UNC5D: variants seen among roughly 807,000 people sequenced by gnomAD.
UNC5D encodes netrin receptor UNC5D.
In UNC5D, 39 loss-of-function variants were observed where a neutral mutation model predicts 105.4. The ratio of observed to expected loss-of-function variants is 0.37; its 90% CI spans 0.29 to 0.48. UNC5D has a LOEUF of 0.48. Among genes scored for constraint, UNC5D ranks in the 20% least tolerant of loss-of-function variants. UNC5D has a pLI of 0.98. For missense variants in UNC5D, 991 were observed against 1,202.4 expected (o/e 0.82, Z 2.60); for synonymous variants, 452 against 450.4 (o/e 1.00, Z -0.04).
In UNC5D at chr8:35,246,122, A is replaced by G. The variant is rs1803078281; in HGVS notation, c.103+10235A>G. ...TACTTGAAACATCACTTTTTTCTCT[A>G]GTTCTTTTTATTTGTAGGAGAAGCA... On this transcript the variant is annotated intron_variant, in intron 1 of 16. Transcript: ENST00000404895. Among the ~76,000 whole-genome samples the G allele has an allele frequency of 2.0e-5, 3 of 152,058 alleles. No homozygotes were observed. In the South Asian group the frequency reaches 6.2e-4, roughly 32 times the overall value.
intron 13 of UNC5D, among the ~76,000 whole-genome samples, chr8:35,754,552 C>G (rs1423106613): frequency 6.6e-6 from 1 of 152,156 alleles, no homozygotes; most frequent in South Asian, 2.1e-4. Flanking sequence ...CCTACCTTCT[C>G]CCCGGAAGAC....
At chr8:35,563,018 G>A (rs2130761588) in intron 2 of UNC5D, among the ~76,000 whole-genome samples, 1 of 151,924 alleles carries the variant, frequency 6.6e-6, no homozygotes, top group African/African-American at 2.4e-5. Flanking sequence ...TTCTGTATAT[G>A]GATATCCAGT....
intron 1 of UNC5D, among the ~76,000 whole-genome samples, chr8:35,244,145 G>C (rs1262579057): frequency 6.6e-6 from 1 of 152,070 alleles, no homozygotes; most frequent in Non-Finnish European, 1.5e-5. Context: ...TTGTATCTTT[G>C]TACCCGCCCT....
intron 1 of UNC5D, among the ~76,000 whole-genome samples, chr8:35,439,428 C>T (rs1807250279): frequency 2.0e-5 from 3 of 152,028 alleles, no homozygotes; most frequent in Non-Finnish European, 4.4e-5. Flanking sequence ...AACAAATGAA[C>T]AAGCTGCATA....
intron 11 of UNC5D, among the ~76,000 whole-genome samples, chr8:35,734,782 AT>A (rs1171276656): frequency 2.2e-3 from 285 of 126,674 alleles, no homozygotes; most frequent in Middle Eastern, 9.3e-3. Context: ...CACACTTTAA[AT>A]TTTTTTTTTT....
At chr8:35,319,966 G>C (rs4606056) in intron 1 of UNC5D, among the ~76,000 whole-genome samples, 124,649 of 151,966 alleles carry the variant, frequency 0.82, 51,578 homozygotes, top group East Asian at 1. Context: ...CTCACTGACC[G>C]TAAGTAGCAG....
intron 1 of UNC5D, chr8:35,525,243 T>G: frequency 6.2e-7 from 1 of 1,612,020 alleles, no homozygotes; most frequent in Non-Finnish European, 8.5e-7. Context: ...CTTTTGGCTT[T>G]CCACGTCTCT....
At chr8:35,518,945 G>A (rs1214237660) in intron 1 of UNC5D, among the ~76,000 whole-genome samples, 1 of 152,012 alleles carries the variant, frequency 6.6e-6, no homozygotes, top group Admixed American at 6.6e-5. Context: ...CAAGAGGTGG[G>A]GAATTTTTAA....
intron 1 of UNC5D, among the ~76,000 whole-genome samples, chr8:35,249,506 C>A (rs1019828964): frequency 7.3e-5 from 11 of 150,330 alleles, no homozygotes; most frequent in Non-Finnish European, 1.2e-4. Flanking sequence ...TGCAGTGAAC[C>A]GAGATTGCAC....
intron 1 of UNC5D, among the ~76,000 whole-genome samples, chr8:35,529,520 T>A: frequency 7.2e-6 from 1 of 138,448 alleles, no homozygotes; most frequent in Admixed American, 7.4e-5. Context: ...TAGGATTGAC[T>A]TGGCGATGCG....
At chr8:35,379,312 C>A (rs1450832397) in intron 1 of UNC5D, among the ~76,000 whole-genome samples, 1 of 152,178 alleles carries the variant, frequency 6.6e-6, no homozygotes, top group Non-Finnish European at 1.5e-5. Context: ...CCAATTCCCA[C>A]CATCCTGATG....
At chr8:35,653,119 G>C (rs1387188945) in intron 4 of UNC5D, among the ~76,000 whole-genome samples, 1 of 151,496 alleles carries the variant, frequency 6.6e-6, no homozygotes, top group African/African-American at 2.4e-5. Context: ...TAGTAAAGAT[G>C]GGGTTTCATC....
At position 35,454,948 on chromosome 8, in the gene UNC5D, C is replaced by A. The variant is rs1353263363; in HGVS notation, c.104-94344C>A. ...CATTTAGAAGTCAAATGAAATTTAT[C>A]CCTTGTTATGGATTTTATTCTTTTA... On this transcript the variant is annotated intron_variant, in intron 1 of 16. Transcript: ENST00000404895. 5.3e-5 allele frequency among the ~76,000 whole-genome samples: 8 copies of A among 152,190 alleles called. No homozygotes were observed. In the East Asian group the frequency reaches 1.6e-3, roughly 30 times the overall value.
chr8:35,394,444 C>T (rs976145011), intron 1 of UNC5D, among the ~76,000 whole-genome samples: 5 of 151,964 alleles, frequency 3.3e-5, no homozygotes, highest in Admixed American at 2.6e-4. Flanking sequence ...ATTCAAAAAA[C>T]CATGTCCATA....
At chr8:35,538,413 A>ATG (rs1434018789) in intron 1 of UNC5D, among the ~76,000 whole-genome samples, 4 of 52,942 alleles carry the variant, frequency 7.6e-5, no homozygotes, top group Non-Finnish European at 1.3e-4. Flanking sequence ...ATATATATAT[A>ATG]TATATATATA....
At chr8:35,768,160 C>T (rs1453527785) in intron 15 of UNC5D, among the ~76,000 whole-genome samples, 1 of 152,064 alleles carries the variant, frequency 6.6e-6, no homozygotes, top group East Asian at 1.9e-4. Context: ...TCTCTATTCT[C>T]ATTTGAATTC....
intron 1 of UNC5D, among the ~76,000 whole-genome samples, chr8:35,517,473 A>G (rs779903686): frequency 1.6e-4 from 24 of 152,196 alleles, no homozygotes; most frequent in Non-Finnish European, 2.8e-4. Context: ...TTAGTAGGGT[A>G]TAGTTTACCT....
At chr8:35,724,380 C>A in intron 9 of UNC5D, 1 of 1,397,488 alleles carries the variant, frequency 7.2e-7, no homozygotes, top group South Asian at 1.4e-5. Context: ...TAGAGAGATC[C>A]GTTTTTGAGC....
intron 4 of UNC5D, among the ~76,000 whole-genome samples, chr8:35,624,595 A>G (rs950905285): frequency 6.6e-6 from 1 of 152,176 alleles, no homozygotes; most frequent in Non-Finnish European, 1.5e-5. Flanking sequence ...TGATATCCTT[A>G]TTTACAGAAA....
Sources: allele counts gnomAD v4.1 joint callset (sites outside exome capture counted in the v4.1 genomes callset), GRCh38; gene constraint gnomAD v4.1.1; transcripts MANE v1.5; gene names NCBI Gene and HGNC (gene_info 2026-07-23, HGNC 2026-07-21).